The following CARM1 variants were observed in gnomAD, a reference collection of about 807,000 sequenced individuals.
The protein encoded by CARM1 is coactivator associated arginine methyltransferase 1, also known as histone-arginine methyltransferase CARM1.
A neutral mutation model predicts 72.7 loss-of-function variants in CARM1; 14 were observed. The ratio of observed to expected loss-of-function variants is 0.19; its 90% CI spans 0.13 to 0.30. The LOEUF (loss-of-function observed/expected upper bound fraction) is 0.30. Among genes scored for constraint, CARM1 ranks in the 10% least tolerant of loss-of-function variants. CARM1 has a pLI of 1.00. For missense variants in CARM1, 432 were observed against 833.7 expected, an observed-to-expected ratio of 0.52 and a Z score of 5.93; for synonymous variants, 333 against 345.5, an observed-to-expected ratio of 0.96 and a Z score of 0.40.
intron 1 of CARM1, among the ~76,000 whole-genome samples, chr19:10,888,501 G>A (rs2073957629): frequency 6.6e-6 from 1 of 152,176 alleles, no homozygotes; most frequent in South Asian, 2.1e-4. Flanking sequence ...ACCTAAGAGT[G>A]CTTCCTGGGG....
At chr19:10,913,777 T>G (rs1379460686) in intron 5 of CARM1, 100 bp from the exon 6 acceptor site, 2 of 1,254,214 alleles carry the variant, frequency 1.6e-6, no homozygotes, top group East Asian at 4.9e-5. Context: ...GGGCACCCAA[T>G]GCCCATGTGT....
At chr19:10,894,794 G>C (rs1163540632) in intron 1 of CARM1, among the ~76,000 whole-genome samples, 1 of 149,634 alleles carries the variant, frequency 6.7e-6, no homozygotes, top group Non-Finnish European at 1.5e-5. Flanking sequence ...AGGCTGGAGT[G>C]CAGTGGCACG....
In CARM1 at chr19:10,885,888, ATTT is replaced by A. The variant is rs766173367; in HGVS notation, c.220+13990_220+13992del. Among the ~76,000 whole-genome samples, 7 of 78,780 alleles carry A rather than the reference ATTT, an allele frequency of 8.9e-5. 1 individual carries two copies. Among genetic ancestry groups the A allele is most frequent in the African/African-American group, 2.1e-4 (5 of 23,658 alleles). 51.7% of individuals were successfully genotyped at this position (78,780 alleles called of 152,430 possible). On this transcript the variant is annotated intron_variant, in intron 1 of 15. Transcript: ENST00000327064. ...CACAGCAGCCACAGCTCACTCCCTC[ATTT>A]TTTTTTTTTTTTTTTTTTTTTTTGA...
At chr19:10,911,506 T>G (rs2074150873) in intron 4 of CARM1, among the ~76,000 whole-genome samples, 1 of 152,204 alleles carries the variant, frequency 6.6e-6, no homozygotes, top group Admixed American at 6.5e-5. Flanking sequence ...GGAGCTCTGA[T>G]CAGTACCCTG....
chr19:10,921,116 T>C lies in CARM1; in HGVS notation c.1604T>C (p.Leu535Pro). ...GGCTCCAGCGTGGGCCACAACAACC[T>C]GATTCCTTTAGGTGAGTGTCCCCCA... ...ASGSSVGHNN[L>P]IPLANTGIVN... The change falls in exon 14 of 16, where the codon CTG becomes CCG. Residue 535 changes from leucine (L) to proline (P), a missense_variant. Transcript: ENST00000327064. 1 of 1,613,912 alleles carries C rather than the reference T, an allele frequency of 6.2e-7. No individual in the cohort carries two copies. The highest frequency in any genetic ancestry group is 8.5e-7 in the Non-Finnish European group (1 of 1,179,832).
chr19:10,880,049 C>T (rs749933198), intron 1 of CARM1, among the ~76,000 whole-genome samples: 130 of 152,168 alleles, frequency 8.5e-4, no homozygotes, highest in Non-Finnish European at 4.0e-4. Context: ...GTGGTGTGAA[C>T]TTGCTAATGA....
intron 1 of CARM1, among the ~76,000 whole-genome samples, chr19:10,888,418 C>T (rs1293301519): frequency 6.6e-6 from 1 of 152,188 alleles, no homozygotes; most frequent in Non-Finnish European, 1.5e-5. Flanking sequence ...TGCTTGGTTT[C>T]CCCTCTTAAA....
rs761262175 is a variant in CARM1 at position 10,914,002 on chromosome 19, C to T, written c.795C>T (p.Asn265=). Residue 265 remains asparagine (N), a synonymous_variant, in exon 6 of 16, where the codon AAC becomes AAT. Transcript: ENST00000327064. ...ISEPMGYMLF[N]ERMLESYLHA... ...AGCCCATGGGCTACATGCTCTTCAA[C>T]GAGCGCATGCTGGAGAGCTACCTCC... The T allele has an allele frequency of 5.6e-6, 9 of 1,613,504 alleles. No individual in the cohort carries two copies. Among genetic ancestry groups the T allele is most frequent in the Admixed American group, 3.3e-5 (2 of 59,976 alleles).
chr19:10,877,058 G>C (rs1392657749), intron 1 of CARM1, among the ~76,000 whole-genome samples: 1 of 152,172 alleles, frequency 6.6e-6, no homozygotes, highest in African/African-American at 2.4e-5. Context: ...CAAAGAAGGT[G>C]AAGAATGGCC....
Position 10,920,765 on chromosome 19 carries a change from G to A in CARM1, c.1424+17G>A. The A allele has an allele frequency of 6.2e-7, 1 of 1,613,878 alleles. No homozygotes were observed. Among genetic ancestry groups the A allele is most frequent in the East Asian group, 2.2e-5 (1 of 44,886 alleles). Reference sequence around the variant, plus strand: ...CTTCTTTAGGTAGGAGGGGCCCCTTGCCTGCACAGGGGGGCGCCCCGGCCC... The same window carrying A: ...CTTCTTTAGGTAGGAGGGGCCCCTTACCTGCACAGGGGGGCGCCCCGGCCC... On this transcript the variant is annotated intron_variant, in intron 12 of 15. Coordinates refer to ENST00000327064, the MANE Select transcript of CARM1 (RefSeq NM_199141.2). The surrounding 1 kb of genome is among the most constrained non-coding windows in gnomAD (Gnocchi z 5.3).
At chr19:10,902,081 G>A (rs1486612328) in intron 1 of CARM1, among the ~76,000 whole-genome samples, 4 of 151,312 alleles carry the variant, frequency 2.6e-5, no homozygotes, top group South Asian at 2.1e-4. Flanking sequence ...CCATCTCTAC[G>A]AAAACTACAA....
intron 1 of CARM1, among the ~76,000 whole-genome samples, chr19:10,882,839 G>A (rs945628923): frequency 1.3e-5 from 2 of 152,000 alleles, no homozygotes; most frequent in Admixed American, 6.6e-5. Flanking sequence ...CACCGTGCCC[G>A]ACCTCAGTCT....
intron 1 of CARM1, among the ~76,000 whole-genome samples, chr19:10,895,314 G>A (rs1221406692): frequency 1.3e-5 from 2 of 151,800 alleles, no homozygotes; most frequent in African/African-American, 4.8e-5. Flanking sequence ...CATGTTGGCC[G>A]GACTAGTCTC....
intron 1 of CARM1, among the ~76,000 whole-genome samples, chr19:10,888,125 A>G (rs1026877025): frequency 6.6e-6 from 1 of 152,190 alleles, no homozygotes; most frequent in Non-Finnish European, 1.5e-5. Context: ...CCTAGTCCCC[A>G]TAGAGAGCTG....
At chr19:10,905,942 C>CCTT (rs747640864) in intron 2 of CARM1, among the ~76,000 whole-genome samples, 2 of 103,444 alleles carry the variant, frequency 1.9e-5, no homozygotes, top group Non-Finnish European at 3.8e-5. Flanking sequence ...TGCCCGGCCC[C>CCTT]TTTTTTTTTT....
chr19:10,893,732 G>T lies in CARM1; in HGVS notation c.221-11219G>T, dbSNP rs577688921. ...AGCCCTGCCAGACTCTGCTGCATGTGGGCTCTGACCTAGTGAAGTTCCAGG... is the reference window on the plus strand; with the variant it reads ...AGCCCTGCCAGACTCTGCTGCATGTTGGCTCTGACCTAGTGAAGTTCCAGG... On this transcript the variant is annotated intron_variant, in intron 1 of 15. Transcript: ENST00000327064. Among the ~76,000 whole-genome samples the T allele has an allele frequency of 5.3e-5, 8 of 152,318 alleles. No individual in the cohort carries two copies. In the East Asian group the frequency reaches 1.5e-3, roughly 29 times the overall value.
At chr19:10,909,857 T>C (rs376082160) in intron 4 of CARM1, among the ~76,000 whole-genome samples, 2 of 152,112 alleles carry the variant, frequency 1.3e-5, no homozygotes, top group East Asian at 3.9e-4. Context: ...CCCTCCAAGA[T>C]AGCCGCTACC....
chr19:10,900,664 G>GT lies in CARM1; in HGVS notation c.221-4279dup, dbSNP rs375595146. Among the ~76,000 whole-genome samples the GT allele has an allele frequency of 1.8e-3, 266 of 151,676 alleles. 2 individuals are homozygous for GT. The highest frequency in any genetic ancestry group is 6.1e-3 in the African/African-American group (253 of 41,366). ...AATGCTTGCATACGAGTGTCTGTTG[G>GT]TTTTTTTTGCTTTGTTTTGTTTTTA... On this transcript the variant is annotated intron_variant, in intron 1 of 15. Transcript: ENST00000327064.
intron 1 of CARM1, among the ~76,000 whole-genome samples, chr19:10,878,526 G>T (rs2073879630): frequency 6.6e-6 from 1 of 152,172 alleles, no homozygotes; most frequent in African/African-American, 2.4e-5. Context: ...CAATTTACTG[G>T]TGGAAAAACA....
Sources: allele counts gnomAD v4.1 joint callset (sites outside exome capture counted in the v4.1 genomes callset), GRCh38; gene constraint gnomAD v4.1.1; non-coding constraint Gnocchi (gnomAD v3.1); transcripts MANE v1.5; gene names NCBI Gene and HGNC (gene_info 2026-07-23, HGNC 2026-07-21).